CYB5A: variants seen among roughly 807,000 people sequenced by gnomAD.
CYB5A encodes the protein cytochrome b5 type A, also known as cytochrome b5.
Under a neutral mutation model 16.2 loss-of-function variants are expected in CYB5A, and 10 were observed. The observed-to-expected ratio is 0.62, with a 90% CI of 0.38 to 1.04. CYB5A has a LOEUF of 1.04. CYB5A is among the 50% of genes least tolerant of loss of function. The pLI is 0.01. For synonymous variants in CYB5A, 62 were observed against 57.0 expected (o/e 1.09, Z -0.40); for missense variants, 161 against 165.9 (o/e 0.97, Z 0.16).
At chr18:74,288,730 G>T (rs2145089077) in intron 1 of CYB5A, among the ~76,000 whole-genome samples, 1 of 152,304 alleles carries the variant, frequency 6.6e-6, no homozygotes, top group East Asian at 1.9e-4. Flanking sequence ...CACCTGCAAG[G>T]AATCCTGGCT....
chr18:74,266,785 A>T (rs1982452592), intron 1 of CYB5A, among the ~76,000 whole-genome samples: 1 of 151,326 alleles, frequency 6.6e-6, no homozygotes, highest in Non-Finnish European at 1.5e-5. Context: ...AACATCTTGG[A>T]TTATATTGGT....
chr18:74,256,985 G>A (rs1599245223), intron 3 of CYB5A: 1 of 704,768 alleles, frequency 1.4e-6, no homozygotes, highest in East Asian at 2.7e-5. Flanking sequence ...TTTCCAAATT[G>A]TGTATATATG....
At chr18:74,281,058 A>C (rs1005630994) in intron 1 of CYB5A, among the ~76,000 whole-genome samples, 4 of 152,068 alleles carry the variant, frequency 2.6e-5, no homozygotes, top group African/African-American at 9.7e-5. Flanking sequence ...AGACATGGTA[A>C]AAAATTGGTG....
chr18:74,286,763 C>A (rs1397491324), intron 1 of CYB5A, among the ~76,000 whole-genome samples: 7 of 152,214 alleles, frequency 4.6e-5, no homozygotes, highest in African/African-American at 1.7e-4. Context: ...ACCAGGAGGA[C>A]TTTTCAGAAT....
At chr18:74,277,627 T>A (rs1009139427) in intron 1 of CYB5A, among the ~76,000 whole-genome samples, 4 of 152,162 alleles carry the variant, frequency 2.6e-5, no homozygotes, top group African/African-American at 9.7e-5. Context: ...GCAGGAGTCA[T>A]GGCACAAAAG....
In CYB5A at chr18:74,251,611, G is replaced by T. The variant is rs1387002191; in HGVS notation, c.*1973C>A. ...GGCCCAAGATGTTTTCCTTTCACAA[G>T]CAGCAGATGAAAAGAAAGGGCAGCC... is the stretch of plus-strand genomic sequence containing the variant. On this transcript the variant is annotated 3_prime_UTR_variant, in exon 5 of 5. Transcript: ENST00000340533. 1 of 152,132 alleles carries T rather than the reference G, an allele frequency of 6.6e-6. No homozygotes were observed. Among genetic ancestry groups the T allele is most frequent in the Non-Finnish European group, 1.5e-5 (1 of 68,028 alleles). 9.4% of individuals were successfully genotyped at this position (152,132 alleles called of 1,614,324 possible). A position where few individuals can be genotyped will look rare whatever the true frequency, so the allele number is the denominator to read the frequency against.
intron 1 of CYB5A, among the ~76,000 whole-genome samples, chr18:74,275,120 C>A (rs1982816502): frequency 6.6e-6 from 1 of 152,180 alleles, no homozygotes; most frequent in Admixed American, 6.5e-5. Flanking sequence ...AGCGTCAACA[C>A]CTGTGCAGCA....
intron 2 of CYB5A, chr18:74,261,555 C>T (rs1982200771): frequency 2.6e-5 from 4 of 154,228 alleles, no homozygotes; most frequent in Non-Finnish European, 5.8e-5. Context: ...CCCTAAGACA[C>T]TTTGCCTTTG....
At chr18:74,288,260 A>G (rs541105957) in intron 1 of CYB5A, among the ~76,000 whole-genome samples, 5 of 152,266 alleles carry the variant, frequency 3.3e-5, no homozygotes, top group African/African-American at 1.2e-4. Context: ...GGATCCCTCC[A>G]CCATCTCACC....
At chr18:74,267,268 T>C (rs1982480499) in intron 1 of CYB5A, among the ~76,000 whole-genome samples, 1 of 152,174 alleles carries the variant, frequency 6.6e-6, no homozygotes. Flanking sequence ...GCAATTCTCC[T>C]GTCTCAGCCT....
chr18:74,291,950 C>T lies in CYB5A; in HGVS notation c.-75G>A, dbSNP rs1568227943. On this transcript the variant is annotated 5_prime_UTR_variant, in exon 1 of 5. Coordinates refer to ENST00000340533, the MANE Select transcript of CYB5A (RefSeq NM_148923.4). The stretch of plus-strand genomic sequence containing the variant: ...GCAGAGCGCGCGACTCAGCCAGCTC[C>T]ACCCGGGACATTCCCCGCGCCGGGA... The T allele has an allele frequency of 6.3e-7, 1 of 1,598,654 alleles. No homozygotes were observed. Among genetic ancestry groups the T allele is most frequent in the East Asian group, 2.2e-5 (1 of 44,822 alleles).
chr18:74,269,004 G>A (rs1339544764), intron 1 of CYB5A, among the ~76,000 whole-genome samples: 1 of 152,142 alleles, frequency 6.6e-6, no homozygotes, highest in Non-Finnish European at 1.5e-5. Flanking sequence ...AATGGCTTTT[G>A]CTTTTTGCAT....
At chr18:74,255,029 G>A (rs1377847639) in intron 4 of CYB5A, among the ~76,000 whole-genome samples, 1 of 152,118 alleles carries the variant, frequency 6.6e-6, no homozygotes, top group African/African-American at 2.4e-5. Context: ...AGTGGGGTTT[G>A]GTGGGGTTTT....
intron 1 of CYB5A, among the ~76,000 whole-genome samples, chr18:74,279,097 G>T (rs17089051): frequency 0.045 from 6,823 of 152,224 alleles, 530 homozygotes; most frequent in African/African-American, 0.15. Flanking sequence ...CTTACCTCCT[G>T]CTTTGTAACC....
At chr18:74,276,686 C>T (rs1256043190) in intron 1 of CYB5A, among the ~76,000 whole-genome samples, 1 of 152,176 alleles carries the variant, frequency 6.6e-6, no homozygotes, top group African/African-American at 2.4e-5. Context: ...GGAGGGTTTG[C>T]TTAACCAAGC....
chr18:74,282,532 C>T (rs917765048), intron 1 of CYB5A, among the ~76,000 whole-genome samples: 2 of 152,192 alleles, frequency 1.3e-5, no homozygotes, highest in Non-Finnish European at 2.9e-5. Context: ...GCACAGCAGG[C>T]GGGCAGGCAG....
intron 1 of CYB5A, among the ~76,000 whole-genome samples, chr18:74,275,404 G>A (rs1982831012): frequency 6.6e-6 from 1 of 152,130 alleles, no homozygotes; most frequent in African/African-American, 2.4e-5. Flanking sequence ...CCTGCTGCCT[G>A]GAGTTGAGAT....
chr18:74,278,895 T>G (rs944992047), intron 1 of CYB5A, among the ~76,000 whole-genome samples: 6 of 152,260 alleles, frequency 3.9e-5, no homozygotes, highest in Non-Finnish European at 5.9e-5. Context: ...CTACCATTAC[T>G]ACACTTGTCT....
At position 74,281,743 on chromosome 18, in the gene CYB5A, C is replaced by CTGTGTGTGTGTGTGTG. The variant is rs112934460; in HGVS notation, c.129+9988_129+10003dup. ...GAGGGGGCAGAAGAGTCAAGGGAGG[C>CTGTGTGTGTGTGTGTG]TGTGTGTGTGTGTGTGTGTGTGTGT... is the stretch of plus-strand genomic sequence containing the variant. On this transcript the variant is annotated intron_variant, in intron 1 of 4. Coordinates refer to ENST00000340533, the MANE Select transcript of CYB5A (RefSeq NM_148923.4). 7.2e-3 allele frequency among the ~76,000 whole-genome samples: 1,005 copies of CTGTGTGTGTGTGTGTG among 138,816 alleles called. 12 individuals are homozygous for CTGTGTGTGTGTGTGTG. The highest frequency in any genetic ancestry group is 0.016 in the African/African-American group (553 of 34,730). 91.1% of individuals were successfully genotyped at this position (138,816 alleles called of 152,430 possible).
Sources: gnomAD v4.1 joint callset for allele counts (sites outside exome capture counted in the v4.1 genomes callset) on GRCh38, gnomAD v4.1.1 for gene constraint, MANE v1.5 for transcripts, NCBI Gene and HGNC (gene_info 2026-07-23, HGNC 2026-07-21) for gene names.